Variants in MORC1 observed in about 807,000 individuals in gnomAD.
MORC1 encodes the protein MORC family CW-type zinc finger protein 1.
In MORC1, 59 loss-of-function variants were observed where a neutral mutation model predicts 134.9. The ratio of observed to expected loss-of-function variants is 0.44; its 90% CI spans 0.35 to 0.54. The LOEUF (loss-of-function observed/expected upper bound fraction) is 0.54. MORC1 is among the 20% of genes least tolerant of loss of function. The pLI is 0.00. For synonymous variants in MORC1, 395 were observed against 391.7 expected, an observed-to-expected ratio of 1.01 and a Z score of -0.10; for missense variants, 947 against 1,134.5, an observed-to-expected ratio of 0.83 and a Z score of 2.37.
At chr3:109,112,385 T>C (rs1435604127) in intron 2 of MORC1, among the ~76,000 whole-genome samples, 2 of 152,222 alleles carry the variant, frequency 1.3e-5, no homozygotes, top group Non-Finnish European at 1.5e-5. Flanking sequence ...TACAATGATA[T>C]AAAAGAATTT....
intron 21 of MORC1, among the ~76,000 whole-genome samples, chr3:108,995,138 C>A (rs1354246646): frequency 2.0e-5 from 3 of 152,140 alleles, no homozygotes; most frequent in Non-Finnish European, 2.9e-5. Context: ...AGTTGAACTG[C>A]CAGTTTATCA....
chr3:108,983,952 G>T (rs1489242771), intron 23 of MORC1, among the ~76,000 whole-genome samples: 2 of 152,176 alleles, frequency 1.3e-5, no homozygotes, highest in African/African-American at 4.8e-5. Context: ...CATGAGAGAA[G>T]AGGATCTGTG....
chr3:109,011,027 T>C (rs929251263), intron 17 of MORC1, among the ~76,000 whole-genome samples: 2 of 152,216 alleles, frequency 1.3e-5, no homozygotes, highest in African/African-American at 4.8e-5. Flanking sequence ...AGGAGTGGAA[T>C]ATCTGGGTCA....
intron 25 of MORC1, among the ~76,000 whole-genome samples, chr3:108,971,053 C>T (rs1180893547): frequency 6.6e-6 from 1 of 152,180 alleles, no homozygotes; most frequent in Non-Finnish European, 1.5e-5. Flanking sequence ...AACAGAAACT[C>T]TGTTTTTGGT....
chr3:108,963,449 T>C lies in MORC1; in HGVS notation c.2764A>G (p.Ile922Val), dbSNP rs1315233946. 1.9e-6 allele frequency: 3 copies of C among 1,610,716 alleles called. No individual in the cohort carries two copies. The highest frequency in any genetic ancestry group is 2.2e-5 in the East Asian group (1 of 44,824). ...TTCTGCAACAATAGTGCCAGTTTTA[T>C]ACGAAGATTCTTCAGCTTATCCTCA... is the stretch of plus-strand genomic sequence containing the variant. ...ISEDKLKNLRIKLALLLQKLQ... is the reference protein window; with the variant it reads ...ISEDKLKNLRVKLALLLQKLQ... The change falls in exon 27 of 28, where the codon ATA (isoleucine) becomes GTA (valine). Residue 922 changes from isoleucine to valine, a missense_variant. This residue lies in a region of MORC1 where 722 missense variants were observed against 817.0 expected (regional missense o/e 0.88). Coordinates refer to ENST00000232603, the MANE Select transcript of MORC1 (RefSeq NM_014429.4).
At chr3:109,058,391 C>T (rs1950009129) in intron 12 of MORC1, among the ~76,000 whole-genome samples, 1 of 152,066 alleles carries the variant, frequency 6.6e-6, no homozygotes, top group Non-Finnish European at 1.5e-5. Context: ...TTTCTTTACC[C>T]AATCAAGAAT....
intron 24 of MORC1, among the ~76,000 whole-genome samples, chr3:108,976,803 G>A (rs1461474891): frequency 6.6e-6 from 1 of 152,164 alleles, no homozygotes; most frequent in African/African-American, 2.4e-5. Flanking sequence ...GAGTCTGCCT[G>A]TTCATTAGAG....
At chr3:109,107,595 AAATT>A (rs1951066637) in intron 3 of MORC1, among the ~76,000 whole-genome samples, 2 of 152,226 alleles carry the variant, frequency 1.3e-5, no homozygotes, top group East Asian at 3.9e-4. Context: ...TATAGCCTTC[AAATT>A]AATTAGTTGA....
intron 20 of MORC1, among the ~76,000 whole-genome samples, chr3:109,003,843 G>A (rs1344992816): frequency 6.6e-6 from 1 of 152,094 alleles, no homozygotes; most frequent in Non-Finnish European, 1.5e-5. Context: ...TTAAGAGGAT[G>A]AGCAGCCCAA....
intron 14 of MORC1, among the ~76,000 whole-genome samples, chr3:109,039,654 C>T (rs1000173780): frequency 1.3e-5 from 2 of 152,206 alleles, no homozygotes; most frequent in African/African-American, 2.4e-5. Flanking sequence ...CCATCCTACA[C>T]TCCATGTTCC....
At chr3:109,109,402 T>A (rs1042597855) in intron 3 of MORC1, among the ~76,000 whole-genome samples, 8 of 152,230 alleles carry the variant, frequency 5.3e-5, no homozygotes, top group Non-Finnish European at 1.0e-4. Context: ...AATTAATGAA[T>A]CTGTGAACTA....
intron 21 of MORC1, among the ~76,000 whole-genome samples, chr3:108,993,538 A>G (rs969984217): frequency 1.3e-5 from 2 of 152,196 alleles, no homozygotes; most frequent in African/African-American, 4.8e-5. Flanking sequence ...ATTATTAGCA[A>G]TGATCATAGC....
At chr3:109,038,261 A>G (rs1366231254) in intron 14 of MORC1, among the ~76,000 whole-genome samples, 1 of 147,960 alleles carries the variant, frequency 6.8e-6, no homozygotes, top group Non-Finnish European at 1.5e-5. Context: ...ATGTCTGTTC[A>G]TATCCTTTGC....
At chr3:109,084,878 C>T (rs4425265) in intron 8 of MORC1, among the ~76,000 whole-genome samples, 51,293 of 151,948 alleles carry the variant, frequency 0.34, 10,464 homozygotes, top group East Asian at 0.81. Context: ...ACAAAGCCAT[C>T]AAAAATGTGC....
intron 11 of MORC1, 81 bp downstream of exon 11, chr3:109,061,904 AGAT>A (rs1226565681): frequency 8.4e-6 from 10 of 1,185,188 alleles, no homozygotes; most frequent in African/African-American, 3.0e-5. Flanking sequence ...TTTAGGAAGT[AGAT>A]GATAAGAGAC....
At chr3:109,068,161 T>C (rs2107702288) in intron 9 of MORC1, among the ~76,000 whole-genome samples, 1 of 152,298 alleles carries the variant, frequency 6.6e-6, no homozygotes, top group East Asian at 1.9e-4. Flanking sequence ...AAATTAAATG[T>C]TTCTCCCAAT....
intron 9 of MORC1, among the ~76,000 whole-genome samples, chr3:109,069,167 A>G (rs901692074): frequency 6.6e-6 from 1 of 152,212 alleles, no homozygotes; most frequent in Admixed American, 6.5e-5. Context: ...AACAACAACA[A>G]CAAAACCTTG....
At chr3:109,113,270 T>C (rs1006052737) in intron 2 of MORC1, among the ~76,000 whole-genome samples, 1 of 152,214 alleles carries the variant, frequency 6.6e-6, no homozygotes, top group Non-Finnish European at 1.5e-5. Flanking sequence ...GCTGAGTTCA[T>C]GGCTCTGAAC....
At chr3:109,108,982 A>T (rs931213362) in intron 3 of MORC1, among the ~76,000 whole-genome samples, 1 of 152,094 alleles carries the variant, frequency 6.6e-6, no homozygotes, top group Middle Eastern at 3.4e-3. Context: ...TGACTGCAGA[A>T]AAAACCTTGG....
Sources: gnomAD v4.1 joint callset for allele counts (sites outside exome capture counted in the v4.1 genomes callset) on GRCh38, gnomAD v4.1.1 for gene constraint, gnomAD v4.1.1 regional missense constraint, MANE v1.5 for transcripts, NCBI Gene and HGNC (gene_info 2026-07-23, HGNC 2026-07-21) for gene names.